The following CTNNA3 variants were observed in gnomAD, a reference collection of about 807,000 sequenced individuals.
CTNNA3 encodes the protein catenin alpha-3.
CTNNA3 carries 76 observed loss-of-function variants against 95.7 expected under a neutral mutation model. The observed-to-expected ratio is 0.79, with a 90% CI of 0.66 to 0.96. CTNNA3 has a LOEUF of 0.96. Among genes scored for constraint, CTNNA3 ranks in the 40% least tolerant of loss-of-function variants. The pLI is 0.00. For missense variants in CTNNA3, 1,191 were observed against 1,089.8 expected (o/e 1.09, Z -1.31); for synonymous variants, 431 against 374.4 (o/e 1.15, Z -1.74).
intron 5 of CTNNA3, among the ~76,000 whole-genome samples, chr10:67,251,241 C>A (rs1228467776): frequency 1.3e-5 from 2 of 152,094 alleles, no homozygotes; most frequent in Non-Finnish European, 2.9e-5. Flanking sequence ...CAAAAGGCCA[C>A]ATGGTATGAG....
chr10:65,973,404 T>C (rs753759491), intron 16 of CTNNA3, among the ~76,000 whole-genome samples: 16 of 152,030 alleles, frequency 1.1e-4, no homozygotes, highest in Non-Finnish European at 2.1e-4. Flanking sequence ...ACAGAGTACA[T>C]AGACAACCCA....
intron 9 of CTNNA3, among the ~76,000 whole-genome samples, chr10:66,670,053 T>C (rs1846603288): frequency 6.6e-6 from 1 of 152,212 alleles, no homozygotes; most frequent in Non-Finnish European, 1.5e-5. Flanking sequence ...ATTCATGGTA[T>C]AGAAATCTCC....
At chr10:66,501,377 T>C (rs900660439) in intron 11 of CTNNA3, among the ~76,000 whole-genome samples, 12 of 152,174 alleles carry the variant, frequency 7.9e-5, no homozygotes, top group African/African-American at 2.9e-4. Context: ...GATAGAAAGA[T>C]AGCCTTGGTG....
chr10:66,263,838 C>T (rs2091077982), intron 13 of CTNNA3, among the ~76,000 whole-genome samples: 1 of 151,908 alleles, frequency 6.6e-6, no homozygotes, highest in Non-Finnish European at 1.5e-5. Context: ...TTCCCAGATG[C>T]AATGAACATA....
intron 13 of CTNNA3, among the ~76,000 whole-genome samples, chr10:66,204,196 T>A (rs2087613027): frequency 6.6e-6 from 1 of 152,156 alleles, no homozygotes; most frequent in Admixed American, 6.6e-5. Flanking sequence ...TTACTTCATC[T>A]CTTCACTTCT....
At chr10:66,197,420 C>G (rs1038770776) in intron 13 of CTNNA3, among the ~76,000 whole-genome samples, 3 of 151,956 alleles carry the variant, frequency 2.0e-5, no homozygotes, top group African/African-American at 7.3e-5. Context: ...TTCATACATG[C>G]AAAAGAAATG....
At chr10:65,952,527 A>C (rs1032583613) in intron 17 of CTNNA3, among the ~76,000 whole-genome samples, 40 of 150,372 alleles carry the variant, frequency 2.7e-4, no homozygotes, top group Non-Finnish European at 3.5e-4. Context: ...TTCTCTATAA[A>C]TATTCCAGTT....
At chr10:66,473,654 A>T (rs1453623013) in intron 11 of CTNNA3, among the ~76,000 whole-genome samples, 1 of 151,872 alleles carries the variant, frequency 6.6e-6, no homozygotes, top group African/African-American at 2.4e-5. Flanking sequence ...TCCTAATGCT[A>T]TCCCTCCTGC....
intron 5 of CTNNA3, among the ~76,000 whole-genome samples, chr10:67,366,774 A>G (rs576473806): frequency 2.0e-5 from 3 of 152,328 alleles, no homozygotes; most frequent in South Asian, 2.1e-4. Context: ...TCTACTCCCT[A>G]TTCAATAAAT....
intron 7 of CTNNA3, among the ~76,000 whole-genome samples, chr10:66,830,010 C>G (rs1410736832): frequency 6.9e-6 from 1 of 145,148 alleles, no homozygotes; most frequent in Non-Finnish European, 1.5e-5. Flanking sequence ...GGACCACAGG[C>G]GCCCTCCCAC....
chr10:66,668,663 T>C (rs1846548086), intron 9 of CTNNA3, among the ~76,000 whole-genome samples: 1 of 151,786 alleles, frequency 6.6e-6, no homozygotes, highest in Admixed American at 6.6e-5. Context: ...AACACAAAAA[T>C]TAACCGGGTG....
chr10:66,570,674 CAGAT>C (rs1361406367), intron 10 of CTNNA3, among the ~76,000 whole-genome samples: 1 of 150,834 alleles, frequency 6.6e-6, no homozygotes, highest in African/African-American at 2.4e-5. Context: ...ACACAGGTCT[CAGAT>C]GGAGCAAAAG....
intron 11 of CTNNA3, among the ~76,000 whole-genome samples, chr10:66,439,126 C>T (rs1027992998): frequency 1.3e-5 from 2 of 152,220 alleles, no homozygotes; most frequent in Admixed American, 6.5e-5. Context: ...AAGACCGGAG[C>T]TGTTCCTATT....
At chr10:67,750,919 CT>C (rs1841403578) in intron 1 of CTNNA3, 21 of 1,609,880 alleles carry the variant, frequency 1.3e-5, no homozygotes, top group African/African-American at 4.0e-5. Flanking sequence ...CTACAGCCCC[CT>C]AGGCTCTCCG....
intron 15 of CTNNA3, among the ~76,000 whole-genome samples, chr10:66,048,869 A>G (rs6480135): frequency 0.52 from 79,594 of 152,052 alleles, 21,208 homozygotes; most frequent in South Asian, 0.59. Flanking sequence ...CATTCTGGAC[A>G]TACAAACAGG....
chr10:67,617,754 C>G (rs1409726162), intron 2 of CTNNA3, among the ~76,000 whole-genome samples: 1 of 150,252 alleles, frequency 6.7e-6, no homozygotes, highest in Non-Finnish European at 1.5e-5. Flanking sequence ...TCTGCGACCT[C>G]TCCAGCATCT....
intron 13 of CTNNA3, among the ~76,000 whole-genome samples, chr10:66,207,066 C>A (rs1159984043): frequency 6.6e-6 from 1 of 151,488 alleles, no homozygotes; most frequent in Admixed American, 6.6e-5. Flanking sequence ...TCAGTGAGTG[C>A]AAATGAATAT....
At chr10:66,641,476 G>C (rs1845515302) in intron 9 of CTNNA3, among the ~76,000 whole-genome samples, 3 of 152,082 alleles carry the variant, frequency 2.0e-5, no homozygotes, top group African/African-American at 7.2e-5. Context: ...GATAATAAAT[G>C]ATTGTTGTCT....
At chr10:66,609,853 G>T (rs376145680) in intron 10 of CTNNA3, among the ~76,000 whole-genome samples, 4 of 152,192 alleles carry the variant, frequency 2.6e-5, no homozygotes, top group African/African-American at 9.6e-5. Flanking sequence ...CAACTCACAT[G>T]TCCATCAATT....
Sources: gnomAD v4.1 joint callset for allele counts (sites outside exome capture counted in the v4.1 genomes callset) on GRCh38, gnomAD v4.1.1 for gene constraint, MANE v1.5 for transcripts, NCBI Gene and HGNC (gene_info 2026-07-23, HGNC 2026-07-21) for gene names.